The following PDE1A variants were observed in gnomAD, a reference collection of about 807,000 sequenced individuals.
PDE1A encodes dual specificity calcium/calmodulin-dependent 3',5'-cyclic nucleotide phosphodiesterase 1A.
PDE1A carries 35 observed loss-of-function variants against 61.7 expected under a neutral mutation model. The observed-to-expected ratio is 0.57, with a 90% CI of 0.43 to 0.75. PDE1A has a LOEUF of 0.75. PDE1A is among the 30% of genes least tolerant of loss of function. The pLI is 0.00. For missense variants in PDE1A, 597 were observed against 630.6 expected, an observed-to-expected ratio of 0.95 and a Z score of 0.57; for synonymous variants, 232 against 213.2, an observed-to-expected ratio of 1.09 and a Z score of -0.77.
chr2:182,432,667 T>C (rs998870339), intron 2 of PDE1A, among the ~76,000 whole-genome samples: 2 of 152,112 alleles, frequency 1.3e-5, no homozygotes, highest in Non-Finnish European at 2.9e-5. Context: ...AACTCAGTAA[T>C]ATCTGTTAAA....
At chr2:182,592,382 A>G in the PDE1A span, among the ~76,000 whole-genome samples, 93 of 152,362 alleles carry the variant, frequency 6.1e-4, 1 homozygote, top group African/African-American at 2.2e-3. Flanking sequence ...AATTATGGGC[A>G]AAAGTTTTGC....
the PDE1A span, among the ~76,000 whole-genome samples, chr2:182,582,579 AGAGAT>A: frequency 6.6e-6 from 1 of 152,242 alleles, no homozygotes; most frequent in East Asian, 1.9e-4. Context: ...TATGGACAAA[AGAGAT>A]GGGAGAGTGC....
chr2:182,503,019 C>T (rs1689177685), intron 2 of PDE1A, among the ~76,000 whole-genome samples: 1 of 150,436 alleles, frequency 6.6e-6, no homozygotes, highest in Non-Finnish European at 1.5e-5. Context: ...CTCTCTCTCT[C>T]TCCCCCTCCC....
chr2:182,423,947 C>CTTTT (rs562590310), intron 1 of PDE1A, among the ~76,000 whole-genome samples: 2 of 134,296 alleles, frequency 1.5e-5, no homozygotes, highest in Non-Finnish European at 3.2e-5. Context: ...CTGGATTAAC[C>CTTTT]TTTTTTTTTT....
At chr2:182,678,419 G>T in the PDE1A span, among the ~76,000 whole-genome samples, 1 of 152,264 alleles carries the variant, frequency 6.6e-6, no homozygotes, top group East Asian at 1.9e-4. Context: ...GCAAGGCTCT[G>T]TCTCAGAAAA....
chr2:182,602,334 A>C, the PDE1A span, among the ~76,000 whole-genome samples: 3 of 152,232 alleles, frequency 2.0e-5, no homozygotes, highest in Admixed American at 2.0e-4. Context: ...TCTCTGCTGC[A>C]GCCAGCATGA....
chr2:182,687,365 C>T, the PDE1A span, among the ~76,000 whole-genome samples: 11 of 152,330 alleles, frequency 7.2e-5, no homozygotes, highest in African/African-American at 2.2e-4. Context: ...CAGCAACATT[C>T]GCTGTTCAGC....
intron 13 of PDE1A, among the ~76,000 whole-genome samples, chr2:182,161,964 C>G (rs909261365): frequency 6.6e-6 from 1 of 152,056 alleles, no homozygotes; most frequent in Non-Finnish European, 1.5e-5. Context: ...GCTGGGGATG[C>G]CTGATCTACC....
At chr2:182,187,296 A>G (rs1685290106) in intron 11 of PDE1A, among the ~76,000 whole-genome samples, 1 of 152,214 alleles carries the variant, frequency 6.6e-6, no homozygotes, top group Admixed American at 6.5e-5. Flanking sequence ...CAAGATAGAA[A>G]ATGACACACA....
intron 7 of PDE1A, among the ~76,000 whole-genome samples, chr2:182,222,014 CCCA>C (rs1386501679): frequency 6.6e-6 from 1 of 151,888 alleles, no homozygotes; most frequent in Non-Finnish European, 1.5e-5. Flanking sequence ...AACAATAACT[CCCA>C]CATCTGGAAA....
downstream of PDE1A, among the ~76,000 whole-genome samples, chr2:182,144,847 C>T (rs1055491432): frequency 9.9e-5 from 15 of 152,234 alleles, no homozygotes; most frequent in African/African-American, 1.9e-4. Context: ...CTTTAAGAAC[C>T]TTTCTTAACC....
chr2:182,686,511 T>C, the PDE1A span, among the ~76,000 whole-genome samples: 1 of 152,152 alleles, frequency 6.6e-6, no homozygotes, highest in Non-Finnish European at 1.5e-5. Context: ...TAGCAAGTAA[T>C]AGAGGAATTA....
At chr2:182,372,401 T>C (rs928877383) in intron 1 of PDE1A, among the ~76,000 whole-genome samples, 70 of 152,328 alleles carry the variant, frequency 4.6e-4, no homozygotes, top group African/African-American at 1.7e-3. Context: ...ATTTTATCTA[T>C]ATTTAAGTGG....
chr2:182,592,692 C>T, the PDE1A span, among the ~76,000 whole-genome samples: 1 of 152,096 alleles, frequency 6.6e-6, no homozygotes, highest in Non-Finnish European at 1.5e-5. Flanking sequence ...TAATCACAGC[C>T]ACATGGAGGT....
chr2:182,311,314 T>A (rs1394692275), intron 1 of PDE1A, among the ~76,000 whole-genome samples: 6 of 152,250 alleles, frequency 3.9e-5, no homozygotes, highest in Non-Finnish European at 7.3e-5. Flanking sequence ...TTCTGCTTAC[T>A]GTTTCATGTG....
At chr2:182,464,435 G>A (rs572635065) in intron 2 of PDE1A, among the ~76,000 whole-genome samples, 2 of 152,046 alleles carry the variant, frequency 1.3e-5, no homozygotes, top group African/African-American at 2.4e-5. Context: ...AATATTAGGG[G>A]TAAGGAGAAT....
At chr2:182,221,737 T>C (rs1416554271) in intron 7 of PDE1A, among the ~76,000 whole-genome samples, 1 of 152,012 alleles carries the variant, frequency 6.6e-6, no homozygotes, top group African/African-American at 2.4e-5. Context: ...AATTATCATG[T>C]GTCCATCTCT....
chr2:182,630,614 AT>A, the PDE1A span, among the ~76,000 whole-genome samples: 1 of 152,106 alleles, frequency 6.6e-6, no homozygotes, highest in East Asian at 1.9e-4. Flanking sequence ...ATTTTTAAAC[AT>A]TTCATCAGTT....
At chr2:182,603,669 C>A in the PDE1A span, among the ~76,000 whole-genome samples, 1 of 152,178 alleles carries the variant, frequency 6.6e-6, no homozygotes, top group African/African-American at 2.4e-5. Context: ...AAGTAAAATG[C>A]AGACTGTGAG....
Sources: gnomAD v4.1 joint callset for allele counts (sites outside exome capture counted in the v4.1 genomes callset) on GRCh38, gnomAD v4.1.1 for gene constraint, MANE v1.5 for transcripts, NCBI Gene and HGNC (gene_info 2026-07-23, HGNC 2026-07-21) for gene names.